PTPN1: variants seen among roughly 807,000 people sequenced by gnomAD.
PTPN1 encodes tyrosine-protein phosphatase non-receptor type 1.
A neutral mutation model predicts 59.9 loss-of-function variants in PTPN1; 12 were observed. That is an observed-to-expected ratio of 0.20 (90% CI 0.13 to 0.32). The LOEUF (loss-of-function observed/expected upper bound fraction) is 0.32. Ranked by LOEUF, PTPN1 falls within the 10% of genes least tolerant of loss-of-function variation. The probability of loss-of-function intolerance (pLI) is 1.00; values close to 1 mark genes in which losing one functional copy is unlikely to be tolerated. For synonymous variants in PTPN1, 178 were observed against 203.6 expected (o/e 0.87, Z 1.07); for missense variants, 356 against 549.2 (o/e 0.65, Z 3.52).
rs538048338 is a variant in PTPN1 at position 50,552,451 on chromosome 20, C to A, written c.64-8912C>A. Among the ~76,000 whole-genome samples the A allele has an allele frequency of 5.3e-5, 8 of 152,318 alleles. No homozygotes were observed. The East Asian group carries it at 1.5e-3, about 29-fold the overall frequency. On this transcript the variant is annotated intron_variant, in intron 1 of 9. Coordinates refer to ENST00000371621, the MANE Select transcript of PTPN1 (RefSeq NM_002827.4). ...CTTTGCTGCATTGTTACCTTAGTTT[C>A]CTGACTGTATCCTTCCTTACACCAT...
intron 1 of PTPN1, among the ~76,000 whole-genome samples, chr20:50,527,360 T>C (rs1334429863): frequency 2.0e-5 from 3 of 152,050 alleles, no homozygotes; most frequent in South Asian, 2.1e-4. Flanking sequence ...TTTTTTTTTT[T>C]CCAGACTGAG....
At chr20:50,547,467 G>A (rs528107765) in intron 1 of PTPN1, among the ~76,000 whole-genome samples, 2 of 151,982 alleles carry the variant, frequency 1.3e-5, no homozygotes, top group South Asian at 2.1e-4. Flanking sequence ...GGGTTCAAGC[G>A]ATTCTCCTGC....
At chr20:50,517,485 CT>C (rs1306815181) in intron 1 of PTPN1, among the ~76,000 whole-genome samples, 2 of 152,162 alleles carry the variant, frequency 1.3e-5, no homozygotes, top group African/African-American at 4.8e-5. Flanking sequence ...TCTTGAACTC[CT>C]GGGCTTAAGC....
At chr20:50,510,912 C>A (rs1274183065) in intron 1 of PTPN1, among the ~76,000 whole-genome samples, 1 of 152,110 alleles carries the variant, frequency 6.6e-6, no homozygotes, top group Non-Finnish European at 1.5e-5. Context: ...CCTGCCTGTC[C>A]ACTCTTTGTC....
At chr20:50,510,818 G>A (rs1384277060) in intron 1 of PTPN1, among the ~76,000 whole-genome samples, 3 of 151,248 alleles carry the variant, frequency 2.0e-5, no homozygotes, top group Non-Finnish European at 4.4e-5. Context: ...CCTCCCTTCT[G>A]TTCTCCAGCT....
intron 1 of PTPN1, among the ~76,000 whole-genome samples, chr20:50,538,203 T>G (rs2082632530): frequency 6.8e-6 from 1 of 147,982 alleles, no homozygotes; most frequent in Non-Finnish European, 1.5e-5. Flanking sequence ...CGAGTTTTGA[T>G]TTGAGGGTGT....
At chr20:50,543,491 C>G (rs530059510) in intron 1 of PTPN1, among the ~76,000 whole-genome samples, 1 of 152,134 alleles carries the variant, frequency 6.6e-6, no homozygotes, top group African/African-American at 2.4e-5. Context: ...TCAGAACTAC[C>G]GGATGCAGCT....
intron 1 of PTPN1, among the ~76,000 whole-genome samples, chr20:50,516,816 C>T (rs2082531127): frequency 6.6e-6 from 1 of 152,216 alleles, no homozygotes; most frequent in Non-Finnish European, 1.5e-5. Context: ...TCAACCCTAA[C>T]TAGGTATGCA....
intron 1 of PTPN1, among the ~76,000 whole-genome samples, chr20:50,548,590 G>C (rs1014644975): frequency 1.3e-5 from 2 of 152,116 alleles, no homozygotes; most frequent in Non-Finnish European, 2.9e-5. Context: ...GCCACACCCA[G>C]CTGATTTGTC....
Position 50,510,519 on chromosome 20 carries a change from T to A in PTPN1, c.-9T>A. ...CGAGAAGGAGGCGCAGCAGCCGCCC[T>A]GGCCCGTCATGGAGATGGAAAAGGA... On this transcript the variant is annotated 5_prime_UTR_variant, in exon 1 of 10. Coordinates refer to ENST00000371621, the MANE Select transcript of PTPN1 (RefSeq NM_002827.4). The A allele has an allele frequency of 6.5e-7, 1 of 1,549,708 alleles. No homozygotes were observed. Among genetic ancestry groups the A allele is most frequent in the Non-Finnish European group, 8.7e-7 (1 of 1,146,104 alleles).
intron 4 of PTPN1, chr20:50,571,305 T>TG (rs1463012369): frequency 2.0e-5 from 3 of 152,260 alleles, no homozygotes; most frequent in Non-Finnish European, 4.4e-5. Flanking sequence ...CAGCAGTCCC[T>TG]GCTTTCCTTT....
At chr20:50,532,524 C>T (rs964302076) in intron 1 of PTPN1, among the ~76,000 whole-genome samples, 2 of 152,090 alleles carry the variant, frequency 1.3e-5, no homozygotes, top group African/African-American at 2.4e-5. Flanking sequence ...CTGTAGAATC[C>T]GTGTTGTGAA....
intron 1 of PTPN1, among the ~76,000 whole-genome samples, chr20:50,552,766 C>A (rs2082708359): frequency 6.6e-6 from 1 of 151,570 alleles, no homozygotes; most frequent in Non-Finnish European, 1.5e-5. Flanking sequence ...CCCTGACCTG[C>A]AGCTTCATCT....
intron 1 of PTPN1, among the ~76,000 whole-genome samples, chr20:50,539,317 T>G (rs1446326850): frequency 6.6e-6 from 1 of 152,172 alleles, no homozygotes; most frequent in African/African-American, 2.4e-5. Context: ...ATTCCAGGCG[T>G]GAGCCACCGC....
At chr20:50,563,605 A>T (rs2082763931) in intron 2 of PTPN1, among the ~76,000 whole-genome samples, 1 of 152,142 alleles carries the variant, frequency 6.6e-6, no homozygotes, top group South Asian at 2.1e-4. Context: ...AAGCCTCCAT[A>T]ATGAGAAACA....
intron 1 of PTPN1, among the ~76,000 whole-genome samples, chr20:50,518,561 C>T (rs916376818): frequency 1.3e-5 from 2 of 152,108 alleles, no homozygotes; most frequent in Admixed American, 6.6e-5. Flanking sequence ...AGAAAAGAGG[C>T]CTCTAAGAAG....
At position 50,568,333 on chromosome 20, in the gene PTPN1, C is replaced by T. The variant is rs775967666; in HGVS notation, c.256-47C>T. On this transcript the variant is annotated intron_variant, in intron 3 of 9. Coordinates refer to ENST00000371621, the MANE Select transcript of PTPN1 (RefSeq NM_002827.4). This position sits in a 1 kb window ranked among gnomAD's most constrained non-coding sequence, Gnocchi z 5.6. Reference sequence around the variant, plus strand: ...TGCAGAAGGTGAGCACACGCTGTAGCATGTTATGTTTCAGATGTCACATGT... The same window carrying T: ...TGCAGAAGGTGAGCACACGCTGTAGTATGTTATGTTTCAGATGTCACATGT... 1.3e-6 allele frequency: 2 copies of T among 1,526,144 alleles called. No homozygotes were observed. Among genetic ancestry groups the T allele is most frequent in the East Asian group, 2.3e-5 (1 of 44,396 alleles). The allele number at this position is 1,526,144 out of a possible 1,614,324, so 94.5% of individuals were successfully genotyped here.
intron 1 of PTPN1, among the ~76,000 whole-genome samples, chr20:50,523,015 C>T (rs1205590155): frequency 6.6e-6 from 1 of 151,916 alleles, no homozygotes; most frequent in Non-Finnish European, 1.5e-5. Context: ...ATCCATCCAC[C>T]TCGGCCTCCC....
intron 1 of PTPN1, among the ~76,000 whole-genome samples, chr20:50,542,025 G>A (rs2082655288): frequency 6.6e-6 from 1 of 152,146 alleles, no homozygotes; most frequent in African/African-American, 2.4e-5. Flanking sequence ...ACTATTTGTG[G>A]CCACAGTGGG....
Sources: gnomAD v4.1 joint callset for allele counts (sites outside exome capture counted in the v4.1 genomes callset) on GRCh38, gnomAD v4.1.1 for gene constraint, Gnocchi (gnomAD v3.1) non-coding constraint, MANE v1.5 for transcripts, NCBI Gene and HGNC (gene_info 2026-07-23, HGNC 2026-07-21) for gene names.